IGF2: variants seen among roughly 807,000 people sequenced by gnomAD.
IGF2 encodes insulin-like growth factor 2.
IGF2 carries 2 observed loss-of-function variants against 12.0 expected under a neutral mutation model. The ratio of observed to expected loss-of-function variants is 0.17; its 90% confidence interval spans 0.07 to 0.52. The LOEUF is 0.52. Ranked by LOEUF, IGF2 falls within the 20% of genes least tolerant of loss-of-function variation. The pLI, the probability that IGF2 is intolerant of heterozygous loss-of-function variation, is 0.95. For synonymous variants in IGF2, 105 were observed against 110.1 expected, an observed-to-expected ratio of 0.95 and a Z score of 0.29; for missense variants, 211 against 268.0, an observed-to-expected ratio of 0.79 and a Z score of 1.48.
the IGF2 span, chr11:2,149,318 G>A: frequency 9.9e-6 from 16 of 1,612,678 alleles, no homozygotes; most frequent in East Asian, 2.2e-5. Flanking sequence ...CCAGGTTGAC[G>A]TGGAGGAGGA....
Position 2,131,312 on chromosome 11 carries a change from G to C in IGF2, c.*1675C>G, listed in dbSNP as rs1421612899. Reference sequence around the variant, plus strand: ...GGGCAGTGGAGATGGGAACAGGAGCGGGGCTCAGACCATGAAAACATTGGA... The same window carrying C: ...GGGCAGTGGAGATGGGAACAGGAGCCGGGCTCAGACCATGAAAACATTGGA... On this transcript the variant is annotated 3_prime_UTR_variant, in exon 4 of 4. Transcript: ENST00000416167. The C allele has an allele frequency of 4.3e-6, 1 of 233,258 alleles. No individual in the cohort carries two copies. The highest frequency in any genetic ancestry group is 8.5e-6 in the Non-Finnish European group (1 of 118,096). 14.4% of individuals were successfully genotyped at this position (233,258 alleles called of 1,614,324 possible).
At chr11:2,137,372 G>A in intron 1 of IGF2, 1 of 393,960 alleles carries the variant, frequency 2.5e-6, no homozygotes, top group Non-Finnish European at 3.2e-6. Context: ...CCCTCTCCCT[G>A]CTGACCACTC....
Position 2,131,051 on chromosome 11 carries a change from G to A in IGF2, c.*1936C>T, listed in dbSNP as rs1251966625. ...TGGGCCAACACACAGTAAGTAAGGTGTATCGGGAATGGGTGGGGTATGGGG... is the reference window on the plus strand; with the variant it reads ...TGGGCCAACACACAGTAAGTAAGGTATATCGGGAATGGGTGGGGTATGGGG... On this transcript the variant is annotated 3_prime_UTR_variant, in exon 4 of 4. Transcript: ENST00000416167. The A allele has an allele frequency of 8.6e-6, 2 of 231,856 alleles. No homozygotes were observed. Among genetic ancestry groups the A allele is most frequent in the East Asian group, 6.1e-5 (1 of 16,458 alleles). 14.4% of individuals were successfully genotyped at this position (231,856 alleles called of 1,614,324 possible). A position where few individuals can be genotyped will look rare whatever the true frequency, so the allele number is the denominator to read the frequency against.
Position 2,130,739 on chromosome 11 carries a change from C to G in IGF2, c.*2248G>C, listed in dbSNP as rs1332370586. ...TTTTCCATCCAAAATCTCCCGGGAC[C>G]ACTTCCTACCCCAGAACTCCCCCCG... On this transcript the variant is annotated 3_prime_UTR_variant, in exon 4 of 4. Transcript: ENST00000416167. 1 of 198,294 alleles carries G rather than the reference C, an allele frequency of 5.0e-6. No individual in the cohort carries two copies. The highest frequency in any genetic ancestry group is 2.3e-5 in the African/African-American group (1 of 43,020). 12.3% of individuals were successfully genotyped at this position (198,294 alleles called of 1,614,324 possible). A position where few individuals can be genotyped will look rare whatever the true frequency, so the allele number is the denominator to read the frequency against.
Position 2,133,197 on chromosome 11 carries a change from G to A in IGF2, c.333C>T (p.Gly111=). The change falls in exon 4 of 4, where the codon GGC becomes GGT. Residue 111 remains glycine (G), a synonymous_variant. Coordinates refer to ENST00000416167, the MANE Select transcript of IGF2 (RefSeq NM_000612.6). The surrounding 1 kb of genome is among the most constrained non-coding windows in gnomAD (Gnocchi z 8.9). The part of the protein sequence containing the change: ...LPDNFPRYPV[G]KFFQYDTWKQ... Reference sequence around the variant, plus strand: ...TCCAGGTGTCATATTGGAAGAACTTGCCCACGGGGTATCTGGGGAAGTTGT... The same window carrying A: ...TCCAGGTGTCATATTGGAAGAACTTACCCACGGGGTATCTGGGGAAGTTGT... 6.4e-7 allele frequency: 1 copy of A among 1,565,850 alleles called. No individual in the cohort carries two copies. The highest frequency in any genetic ancestry group is 8.7e-7 in the Non-Finnish European group (1 of 1,153,714).
rs1333440627 is a variant in IGF2, at chr11:2,135,514, G to C, written c.10C>G (p.Pro4Ala). 4 of 1,613,412 alleles carry C rather than the reference G, an allele frequency of 2.5e-6. No individual in the cohort carries two copies. The East Asian group carries it at 8.9e-5, about 36-fold the overall frequency. MGIPMGKSMLVLLT... is the reference protein window; with the variant it reads MGIAMGKSMLVLLT... ...AGCACCAGCATCGACTTCCCCATTG[G>C]GATTCCCATTGGTGTCTGGGGGCGG... is the stretch of plus-strand genomic sequence containing the variant. Residue 4 changes from proline (P) to alanine (A), a missense_variant, in exon 2 of 4, where the codon CCA (proline) becomes GCA (alanine). Around this residue, in one of 3 missense-constraint regions of IGF2, gnomAD observed 40 missense variants for 35.7 expected, o/e 1.12. Transcript: ENST00000416167.
rs1665546966 is a variant in IGF2, at chr11:2,130,888, A to G, written c.*2099T>C. On this transcript the variant is annotated 3_prime_UTR_variant, in exon 4 of 4. Transcript: ENST00000416167. ...GGTCCCCAGGAGACGGGCAAAGATG[A>G]TCCCTAGGTGTGCTCCGGTGGGGGG... 2.0e-5 allele frequency: 4 copies of G among 203,090 alleles called. No individual in the cohort carries two copies. 12.6% of individuals were successfully genotyped at this position (203,090 alleles called of 1,614,324 possible).
In IGF2 at chr11:2,133,414, C is replaced by A; in HGVS notation, c.306+103G>T. 7.5e-7 allele frequency: 1 copy of A among 1,341,476 alleles called. No homozygotes were observed. The highest frequency in any genetic ancestry group is 2.5e-5 in the East Asian group (1 of 40,282). 83.1% of individuals were successfully genotyped at this position (1,341,476 alleles called of 1,614,324 possible). On this transcript the variant is annotated intron_variant, in intron 3 of 3. Transcript: ENST00000416167. The surrounding 1 kb of genome is among the most constrained non-coding windows in gnomAD (Gnocchi z 8.9). The stretch of plus-strand genomic sequence containing the variant: ...ACAGCAAGCAAGGAAGTCACGGGTC[C>A]TTGTCCCTGGCCAAGAGGTCCCAGA...
At position 2,133,362 on chromosome 11, in the gene IGF2, CCAGCGTCTGAGCTGCTCCCGGGCCACA is replaced by C; in HGVS notation, c.306+128_307-140del. The C allele has an allele frequency of 9.8e-7, 1 of 1,015,504 alleles. No homozygotes were observed. The allele number at this position is 1,015,504 out of a possible 1,614,324, so 62.9% of individuals were successfully genotyped here. On this transcript the variant is annotated intron_variant, in intron 3 of 3. Transcript: ENST00000416167. This position sits in a 1 kb window ranked among gnomAD's most constrained non-coding sequence, Gnocchi z 8.9. ...TCCACGGGCAGAGGGACAGAAGGAG[CCAGCGTCTGAGCTGCTCCCGGGCCACA>C]CAGCAAGCAAGGAAGTCACGGGTCC...
rs927650983 is a variant in IGF2, at chr11:2,130,462, G to A, written c.*2525C>T. Reference sequence around the variant, plus strand: ...CAATCAGGGCGATAAATGGCGGGGGGCAGGACGTGGTGGTCTCCAGGCTGG... The same window carrying A: ...CAATCAGGGCGATAAATGGCGGGGGACAGGACGTGGTGGTCTCCAGGCTGG... On this transcript the variant is annotated 3_prime_UTR_variant, in exon 4 of 4. Coordinates refer to ENST00000416167, the MANE Select transcript of IGF2 (RefSeq NM_000612.6). 1 of 227,244 alleles carries A rather than the reference G, an allele frequency of 4.4e-6. No individual in the cohort carries two copies. The highest frequency in any genetic ancestry group is 2.2e-5 in the African/African-American group (1 of 44,796). The allele number at this position is 227,244 out of a possible 1,614,324, so 14.1% of individuals were successfully genotyped here. A position where few individuals can be genotyped will look rare whatever the true frequency, so the allele number is the denominator to read the frequency against.
At chr11:2,137,723 G>A (rs796084400) in intron 1 of IGF2, among the ~76,000 whole-genome samples, 10 of 152,246 alleles carry the variant, frequency 6.6e-5, no homozygotes, top group African/African-American at 2.4e-4. Context: ...GGGAGATGTC[G>A]CGAATGTGGC....
upstream of IGF2, chr11:2,146,144 A>G (rs1288002423): frequency 2.1e-6 from 1 of 482,058 alleles, no homozygotes; most frequent in East Asian, 5.5e-5. Flanking sequence ...GACTCACCCC[A>G]TGGAGCCTGG....
Position 2,132,836 on chromosome 11 carries a change from C to T in IGF2, c.*151G>A, listed in dbSNP as rs1001308758. 6.3e-5 allele frequency: 38 copies of T among 606,740 alleles called. No homozygotes were observed. In the South Asian group the frequency reaches 7.0e-4, roughly 11 times the overall value. The allele number at this position is 606,740 out of a possible 1,614,324, so 37.6% of individuals were successfully genotyped here. A position where few individuals can be genotyped will look rare whatever the true frequency, so the allele number is the denominator to read the frequency against. Reference sequence around the variant, plus strand: ...GGGGGCCGAGGAGAGTAGCCTGTTTCGGGGAGGCGGGGCACGGGGACTGGG... The same window carrying T: ...GGGGGCCGAGGAGAGTAGCCTGTTTTGGGGAGGCGGGGCACGGGGACTGGG... On this transcript the variant is annotated 3_prime_UTR_variant, in exon 4 of 4. Coordinates refer to ENST00000416167, the MANE Select transcript of IGF2 (RefSeq NM_000612.6).
rs530101369 is a variant in IGF2 at position 2,133,133 on chromosome 11, G to A, written c.397C>T (p.Leu133Phe). ...ACGTGACCCCGGCGGGCACGCAGGA[G>A]GGCAGGCAGGCCCCTGCGCAGGCGC... Reference protein sequence around the residue: ...TQRLRRGLPALLRARRGHVLA... With the variant: ...TQRLRRGLPAFLRARRGHVLA... The change falls in exon 4 of 4, where the codon CTC becomes TTC. Residue 133 changes from leucine to phenylalanine, a missense_variant. Around this residue, in one of 3 missense-constraint regions of IGF2, gnomAD observed 141 missense variants for 153.1 expected, o/e 0.92. Coordinates refer to ENST00000416167, the MANE Select transcript of IGF2 (RefSeq NM_000612.6). This position sits in a 1 kb window ranked among gnomAD's most constrained non-coding sequence, Gnocchi z 8.9. 6.2e-7 allele frequency: 1 copy of A among 1,605,816 alleles called. No individual in the cohort carries two copies. The highest frequency in any genetic ancestry group is 1.7e-5 in the Admixed American group (1 of 58,928).
upstream of IGF2, chr11:2,140,049 C>T: frequency 1.5e-6 from 2 of 1,359,360 alleles, no homozygotes; most frequent in South Asian, 1.5e-5. Context: ...TGCGCCGGGC[C>T]GAATCTGGGC....
upstream of IGF2, among the ~76,000 whole-genome samples, chr11:2,145,840 C>T (rs923886139): frequency 1.3e-5 from 2 of 152,056 alleles, no homozygotes; most frequent in East Asian, 1.9e-4. Context: ...CCCTGAGGCT[C>T]GAAAAGCACA....
chr11:2,143,986 C>A (rs375956157), upstream of IGF2, among the ~76,000 whole-genome samples: 9 of 152,300 alleles, frequency 5.9e-5, no homozygotes, highest in East Asian at 1.4e-3. Flanking sequence ...CCCGGGAACC[C>A]GAGCGCGGGC....
upstream of IGF2, chr11:2,140,963 G>T: frequency 3.3e-6 from 1 of 305,890 alleles, no homozygotes; most frequent in Non-Finnish European, 6.3e-6. Context: ...CGAGACCCCG[G>T]GGCCAGTCCT....
chr11:2,137,620 T>A (rs1859172342), intron 1 of IGF2, among the ~76,000 whole-genome samples: 1 of 151,468 alleles, frequency 6.6e-6, no homozygotes, highest in Admixed American at 6.6e-5. Flanking sequence ...GGTCGAAGGC[T>A]CTGCCCTTCT....
Sources: allele counts gnomAD v4.1 joint callset (sites outside exome capture counted in the v4.1 genomes callset), GRCh38; gene constraint gnomAD v4.1.1; regional missense constraint gnomAD v4.1.1; non-coding constraint Gnocchi (gnomAD v3.1); transcripts MANE v1.5; gene names NCBI Gene and HGNC (gene_info 2026-07-23, HGNC 2026-07-21).